The following NPSR1 variants were observed in gnomAD, a reference collection of about 807,000 sequenced individuals.
The protein encoded by NPSR1 is neuropeptide S receptor.
In NPSR1, 48 loss-of-function variants were observed where a neutral mutation model predicts 46.9. That is an observed-to-expected ratio of 1.02 (90% CI 0.81 to 1.30). NPSR1 has a LOEUF of 1.30. NPSR1 is among the 50% of genes most tolerant of loss of function. The pLI, the probability that NPSR1 is intolerant of heterozygous loss-of-function variation, is 0.00. For missense variants in NPSR1, 450 were observed against 449.5 expected (o/e 1.00, Z -0.01); for synonymous variants, 176 against 168.1 (o/e 1.05, Z -0.36).
chr7:34,722,096 T>C (rs1290444415), intron 2 of NPSR1, among the ~76,000 whole-genome samples: 3 of 152,064 alleles, frequency 2.0e-5, no homozygotes, highest in Admixed American at 2.0e-4. Context: ...GATGGAACGG[T>C]TTCATTAGTA....
intron 2 of NPSR1, among the ~76,000 whole-genome samples, chr7:34,714,096 C>G (rs1222115222): frequency 6.6e-6 from 1 of 152,252 alleles, no homozygotes; most frequent in East Asian, 1.9e-4. Context: ...ACTGTTGGCA[C>G]TGGTGCCAGC....
Position 34,865,407 on chromosome 7 carries a change from A to G in NPSR1, c.1026-12669A>G, listed in dbSNP as rs1445784824. 2.6e-5 allele frequency among the ~76,000 whole-genome samples: 4 copies of G among 151,604 alleles called. No individual in the cohort carries two copies. In the East Asian group the frequency reaches 7.7e-4, roughly 29 times the overall value. On this transcript the variant is annotated intron_variant, in intron 8 of 8. Coordinates refer to the NPSR1 transcript ENST00000359791. ...CCCTATGGACAGCTCCCCCCATGAA[A>G]AAGAGGGCGAGGCTGAGCTGAGCAT...
At chr7:34,793,243 G>A (rs567343190) in intron 3 of NPSR1, among the ~76,000 whole-genome samples, 1 of 151,974 alleles carries the variant, frequency 6.6e-6, no homozygotes, top group East Asian at 1.9e-4. Context: ...CACAGCAAAA[G>A]AACTATCAAC....
At chr7:34,783,549 A>C (rs1258242624) in intron 3 of NPSR1, among the ~76,000 whole-genome samples, 1 of 152,150 alleles carries the variant, frequency 6.6e-6, no homozygotes, top group Non-Finnish European at 1.5e-5. Flanking sequence ...AAGTTATAGG[A>C]GTTATAGAAG....
At chr7:34,863,855 C>T (rs1260389425) in intron 8 of NPSR1, among the ~76,000 whole-genome samples, 1 of 151,630 alleles carries the variant, frequency 6.6e-6, no homozygotes, top group Admixed American at 6.6e-5. Context: ...TACCATTTGA[C>T]CCAGCAATCC....
chr7:34,862,439 T>G (rs1791211649), intron 8 of NPSR1, among the ~76,000 whole-genome samples: 1 of 151,812 alleles, frequency 6.6e-6, no homozygotes, highest in Non-Finnish European at 1.5e-5. Flanking sequence ...ATTAGCAGCT[T>G]TCTGCAGTTA....
At chr7:34,690,263 G>C (rs1038446917) in intron 2 of NPSR1, among the ~76,000 whole-genome samples, 2 of 148,068 alleles carry the variant, frequency 1.4e-5, no homozygotes, top group Non-Finnish European at 3.0e-5. Flanking sequence ...CCAAATAAAA[G>C]CAAATTTAAA....
At chr7:34,691,511 G>A (rs537015431) in intron 2 of NPSR1, among the ~76,000 whole-genome samples, 1 of 152,046 alleles carries the variant, frequency 6.6e-6, no homozygotes, top group Non-Finnish European at 1.5e-5. Context: ...AAGTAAAGGG[G>A]TGGGAAAATA....
In NPSR1 at chr7:34,848,573, C is replaced by T. The variant is rs1790822945; in HGVS notation, c.935C>T (p.Ser312Phe). 1 of 1,614,172 alleles carries T rather than the reference C, an allele frequency of 6.2e-7. No homozygotes were observed. Among genetic ancestry groups the T allele is most frequent in the Non-Finnish European group, 8.5e-7 (1 of 1,180,004 alleles). ...LPDTQERFYA[S>F]VIIQNLPALN... ...GACACCCAGGAGCGTTTCTATGCCT[C>T]TGTGATCATTCAGAACCTGCCAGCA... Residue 312 changes from serine (S) to phenylalanine (F), a missense_variant, in exon 8 of 9, where the codon TCT becomes TTT. Transcript: ENST00000360581.
intron 3 of NPSR1, among the ~76,000 whole-genome samples, chr7:34,790,707 G>T (rs1321485861): frequency 9.0e-6 from 1 of 111,656 alleles, no homozygotes; most frequent in Non-Finnish European, 1.8e-5. Context: ...TATGTTCTAT[G>T]TTATATATAA....
intron 2 of NPSR1, among the ~76,000 whole-genome samples, chr7:34,757,585 C>A (rs1260481285): frequency 6.6e-6 from 1 of 152,114 alleles, no homozygotes; most frequent in Non-Finnish European, 1.5e-5. Context: ...AGGAATAAAT[C>A]CAGAATATTT....
intron 3 of NPSR1, among the ~76,000 whole-genome samples, chr7:34,790,867 T>C (rs1431954711): frequency 7.7e-6 from 1 of 129,926 alleles, no homozygotes; most frequent in African/African-American, 3.2e-5. Flanking sequence ...ATGTTATATA[T>C]GTTATATGTT....
Position 34,687,713 on chromosome 7 carries a change from A to T in NPSR1, c.280+3029A>T, listed in dbSNP as rs1455562415. Among the ~76,000 whole-genome samples, 3 of 152,190 alleles carry T rather than the reference A, an allele frequency of 2.0e-5. No homozygotes were observed. In the East Asian group the frequency reaches 5.8e-4, roughly 29 times the overall value. ...TGGGGACATAGAGTCAAACCATATC[A>T]TATATTATGTGCTGTGCTTGCAAAA... On this transcript the variant is annotated intron_variant, in intron 2 of 8. Coordinates refer to ENST00000360581, the MANE Select transcript of NPSR1 (RefSeq NM_207172.2).
At chr7:34,871,505 A>T (rs1791451836) in intron 8 of NPSR1, 1 of 151,820 alleles carries the variant, frequency 6.6e-6, no homozygotes, top group South Asian at 2.1e-4. Context: ...ATACCTTTCC[A>T]GTAGTCCCCC....
chr7:34,748,764 G>A (rs1332128581), intron 2 of NPSR1, among the ~76,000 whole-genome samples: 1 of 151,964 alleles, frequency 6.6e-6, no homozygotes, highest in East Asian at 1.9e-4. Flanking sequence ...TGGAGTGGGG[G>A]AAATATCCTG....
At chr7:34,702,789 G>C (rs1183305752) in intron 2 of NPSR1, among the ~76,000 whole-genome samples, 1 of 152,122 alleles carries the variant, frequency 6.6e-6, no homozygotes, top group Non-Finnish European at 1.5e-5. Context: ...TATAGAAGTG[G>C]ACTTACTGCA....
At chr7:34,736,827 G>T (rs1359518301) in intron 2 of NPSR1, among the ~76,000 whole-genome samples, 1 of 151,886 alleles carries the variant, frequency 6.6e-6, no homozygotes, top group East Asian at 1.9e-4. Flanking sequence ...TAATAACCTA[G>T]AACTCAAATA....
downstream of NPSR1, among the ~76,000 whole-genome samples, chr7:34,853,727 G>A (rs10276397): frequency 0.29 from 43,958 of 152,038 alleles, 6,624 homozygotes; most frequent in Middle Eastern, 0.37. Context: ...TTGGGAGGCC[G>A]AGGAGGGCGG....
chr7:34,775,221 G>C (rs1310256489), intron 2 of NPSR1, among the ~76,000 whole-genome samples: 1 of 152,164 alleles, frequency 6.6e-6, no homozygotes, highest in African/African-American at 2.4e-5. Flanking sequence ...TATTATGACA[G>C]ATGTTTGAAG....
Sources: gnomAD v4.1 joint callset for allele counts (sites outside exome capture counted in the v4.1 genomes callset) on GRCh38, gnomAD v4.1.1 for gene constraint, MANE v1.5 for transcripts, NCBI Gene and HGNC (gene_info 2026-07-23, HGNC 2026-07-21) for gene names.